The following DLG2 variants were observed in gnomAD, a reference collection of about 807,000 sequenced individuals.
DLG2 encodes discs large MAGUK scaffold protein 2.
In DLG2, 45 loss-of-function variants were observed where a neutral mutation model predicts 132.5. The ratio of observed to expected loss-of-function variants is 0.34; its 90% CI spans 0.27 to 0.44. The LOEUF (loss-of-function observed/expected upper bound fraction) is 0.44. DLG2 is among the 20% of genes least tolerant of loss of function. DLG2 has a pLI of 1.00. For missense variants in DLG2, 1,045 were observed against 1,196.9 expected, an observed-to-expected ratio of 0.87 and a Z score of 1.87; for synonymous variants, 424 against 419.6, an observed-to-expected ratio of 1.01 and a Z score of -0.13.
rs1454694084 is a variant in DLG2 at position 85,583,056 on chromosome 11, AAAT to A, written c.40+15598_40+15600del. Among the ~76,000 whole-genome samples, 368 of 108,268 alleles carry A rather than the reference AAAT, an allele frequency of 3.4e-3. 4 individuals are homozygous for A. The highest frequency in any genetic ancestry group is 9.5e-3 in the African/African-American group (241 of 25,272). 71.0% of individuals were successfully genotyped at this position (108,268 alleles called of 152,430 possible). ...AGAACTAGAAACCAGGGGAAAAAAA[AAAT>A]ATATATATATATATATATAATATAT... On this transcript the variant is annotated intron_variant, in intron 3 of 27. Coordinates refer to ENST00000376104, the MANE Select transcript of DLG2 (RefSeq NM_001142699.3).
At chr11:85,586,250 TTCTC>T (rs1373492924) in intron 3 of DLG2, among the ~76,000 whole-genome samples, 1 of 152,220 alleles carries the variant, frequency 6.6e-6, no homozygotes, top group African/African-American at 2.4e-5. Flanking sequence ...GATTCCGTCT[TTCTC>T]TATCTTTTGG....
chr11:84,805,442 C>T (rs2075886998), intron 6 of DLG2, among the ~76,000 whole-genome samples: 1 of 152,118 alleles, frequency 6.6e-6, no homozygotes, highest in Non-Finnish European at 1.5e-5. Context: ...GCGTCTCCAC[C>T]CAAATCTCAT....
Position 84,972,316 on chromosome 11 carries a change from A to G in DLG2, c.357+139345T>C, listed in dbSNP as rs1006487973. Among the ~76,000 whole-genome samples the G allele has an allele frequency of 3.9e-5, 6 of 152,302 alleles. No homozygotes were observed. In the South Asian group the frequency reaches 1.2e-3, roughly 32 times the overall value. On this transcript the variant is annotated intron_variant, in intron 6 of 27. Transcript: ENST00000376104. ...TTGCATACACAGTCTTTCCTATAAAAAAAAACTGAGTCTTTTAATCTACTT... is the reference window on the plus strand; with the variant it reads ...TTGCATACACAGTCTTTCCTATAAAGAAAAACTGAGTCTTTTAATCTACTT...
chr11:84,268,779 T>C (rs1466643244), intron 7 of DLG2, among the ~76,000 whole-genome samples: 1 of 152,030 alleles, frequency 6.6e-6, no homozygotes, highest in Non-Finnish European at 1.5e-5. Context: ...TTTTACAGTT[T>C]GTAAAATGGA....
intron 18 of DLG2, among the ~76,000 whole-genome samples, chr11:83,778,519 G>A (rs1285035081): frequency 2.6e-5 from 4 of 152,012 alleles, no homozygotes; most frequent in African/African-American, 9.7e-5. Context: ...AGTTTTTATG[G>A]GGATGTTCGG....
At chr11:84,686,976 G>A (rs2153718219) in intron 6 of DLG2, 1 of 152,124 alleles carries the variant, frequency 6.6e-6, no homozygotes, top group African/African-American at 2.4e-5. Flanking sequence ...TTCAGTTTAG[G>A]AGTGGGCATG....
intron 7 of DLG2, among the ~76,000 whole-genome samples, chr11:84,363,336 C>G (rs1359326544): frequency 7.3e-5 from 11 of 151,456 alleles, no homozygotes; most frequent in African/African-American, 1.7e-4. Context: ...TCATGTCCTT[C>G]GCCCACTTTT....
chr11:83,802,123 C>T (rs2044577695), intron 17 of DLG2, among the ~76,000 whole-genome samples: 1 of 151,440 alleles, frequency 6.6e-6, no homozygotes, highest in Non-Finnish European at 1.5e-5. Flanking sequence ...GGCTAGATAG[C>T]AGTGACATGA....
At chr11:83,979,118 C>T (rs1378214149) in intron 12 of DLG2, among the ~76,000 whole-genome samples, 1 of 152,114 alleles carries the variant, frequency 6.6e-6, no homozygotes, top group African/African-American at 2.4e-5. Flanking sequence ...AAGATTATTA[C>T]AAAGATCTTA....
intron 15 of DLG2, among the ~76,000 whole-genome samples, chr11:83,895,623 G>T (rs911124448): frequency 1.3e-5 from 2 of 152,036 alleles, no homozygotes; most frequent in African/African-American, 4.8e-5. Flanking sequence ...AACTCCAAAG[G>T]AAGCACTAAG....
intron 6 of DLG2, among the ~76,000 whole-genome samples, chr11:84,713,902 T>C (rs2060720864): frequency 6.6e-6 from 1 of 152,066 alleles, no homozygotes; most frequent in Non-Finnish European, 1.5e-5. Flanking sequence ...ATCAAAAGGA[T>C]GGTTAACTGT....
intron 6 of DLG2, among the ~76,000 whole-genome samples, chr11:84,981,267 G>T (rs910105755): frequency 2.0e-5 from 3 of 152,112 alleles, no homozygotes; most frequent in African/African-American, 7.2e-5. Context: ...ATTACTATCT[G>T]TGCAGAAAGA....
At chr11:83,591,399 T>C (rs1332417098) in intron 19 of DLG2, among the ~76,000 whole-genome samples, 1 of 103,050 alleles carries the variant, frequency 9.7e-6, no homozygotes, top group Non-Finnish European at 1.9e-5. Context: ...ACCACATGAT[T>C]ATCTCAATAG....
intron 8 of DLG2, among the ~76,000 whole-genome samples, chr11:84,218,408 G>A (rs2096868811): frequency 6.6e-6 from 1 of 151,548 alleles, no homozygotes; most frequent in African/African-American, 2.4e-5. Context: ...GAGGAAGGAA[G>A]GAAGGATTGA....
intron 18 of DLG2, among the ~76,000 whole-genome samples, chr11:83,667,975 CAAAAAAA>C (rs10688898): frequency 2.5e-5 from 1 of 39,600 alleles, no homozygotes; most frequent in African/African-American, 1.2e-4. Flanking sequence ...GACTCCGTCT[CAAAAAAA>C]AAAAAAAAAA....
chr11:85,366,667 G>C lies in DLG2; in HGVS notation c.41-81302C>G, dbSNP rs149430010. On this transcript the variant is annotated intron_variant, in intron 3 of 27. Transcript: ENST00000376104. ...TTGTTAGCCATATCTCAGAATTTTT[G>C]GGGGGTAGAGGATAAGTTCCTAGGG... Among the ~76,000 whole-genome samples the C allele has an allele frequency of 4.6e-3, 699 of 152,142 alleles. 27 individuals are homozygous for C. The highest frequency in any genetic ancestry group is 0.037 in the Admixed American group (559 of 15,258).
At chr11:84,220,883 C>T (rs1284955350) in intron 8 of DLG2, among the ~76,000 whole-genome samples, 2 of 138,402 alleles carry the variant, frequency 1.4e-5, no homozygotes, top group African/African-American at 2.7e-5. Flanking sequence ...CAGGCTCAAG[C>T]GATTCTCCCA....
chr11:83,756,788 T>C (rs1303011829), intron 18 of DLG2, among the ~76,000 whole-genome samples: 1 of 151,782 alleles, frequency 6.6e-6, no homozygotes, highest in Non-Finnish European at 1.5e-5. Flanking sequence ...TACATAGAGT[T>C]AGCAGTCTTA....
At chr11:83,492,342 A>G (rs1046352025) in intron 21 of DLG2, among the ~76,000 whole-genome samples, 3 of 151,990 alleles carry the variant, frequency 2.0e-5, no homozygotes, top group African/African-American at 7.2e-5. Flanking sequence ...ATTTGTCCTC[A>G]GTCTGTTTTG....
Sources: gnomAD v4.1 joint callset for allele counts (sites outside exome capture counted in the v4.1 genomes callset) on GRCh38, gnomAD v4.1.1 for gene constraint, MANE v1.5 for transcripts, NCBI Gene and HGNC (gene_info 2026-07-23, HGNC 2026-07-21) for gene names.